Variants in CSMD1 observed in about 807,000 individuals in gnomAD.
CSMD1 encodes the protein CUB and sushi domain-containing protein 1.
Under a neutral mutation model 417.5 loss-of-function variants are expected in CSMD1, and 213 were observed. The ratio of observed to expected loss-of-function variants is 0.51; its 90% CI spans 0.46 to 0.57. The LOEUF (loss-of-function observed/expected upper bound fraction) is 0.57. Among genes scored for constraint, CSMD1 ranks in the 20% least tolerant of loss-of-function variants. The pLI, the probability that CSMD1 is intolerant of heterozygous loss-of-function variation, is 0.00. For missense variants in CSMD1, 6,923 were observed against 4,529.7 expected, an observed-to-expected ratio of 1.53 and a Z score of -15.17; for synonymous variants, 2,862 against 1,736.8, an observed-to-expected ratio of 1.65 and a Z score of -16.11.
chr8:4,675,891 C>A (rs1288674614), intron 1 of CSMD1, among the ~76,000 whole-genome samples: 1 of 152,100 alleles, frequency 6.6e-6, no homozygotes, highest in African/African-American at 2.4e-5. Flanking sequence ...AGTATCTAAA[C>A]TATCATACTA....
intron 5 of CSMD1, among the ~76,000 whole-genome samples, chr8:3,944,632 T>A (rs1019298813): frequency 1.3e-5 from 2 of 152,180 alleles, no homozygotes. Flanking sequence ...CAGAGACTTT[T>A]CCTTTATAAC....
chr8:4,814,466 C>T (rs982751136), intron 1 of CSMD1, among the ~76,000 whole-genome samples: 9 of 152,158 alleles, frequency 5.9e-5, no homozygotes, highest in African/African-American at 2.2e-4. Context: ...AAGGTGATCT[C>T]GAACTCCTAA....
intron 37 of CSMD1, among the ~76,000 whole-genome samples, chr8:3,162,754 C>G (rs569301003): frequency 1.3e-5 from 2 of 151,346 alleles, no homozygotes; most frequent in Non-Finnish European, 2.9e-5. Context: ...TACATTCAAT[C>G]TCTCTCTCTC....
intron 1 of CSMD1, among the ~76,000 whole-genome samples, chr8:4,856,663 C>A (rs1305710988): frequency 1.4e-5 from 2 of 148,124 alleles, no homozygotes; most frequent in Admixed American, 6.7e-5. Flanking sequence ...TCAAAAGAGA[C>A]AAAGAAGGCC....
At chr8:3,163,829 C>T (rs770466133) in intron 37 of CSMD1, among the ~76,000 whole-genome samples, 2 of 152,102 alleles carry the variant, frequency 1.3e-5, no homozygotes, top group Non-Finnish European at 2.9e-5. Context: ...TAACTCCAGT[C>T]CCCACCAGAC....
At chr8:3,570,621 C>A (rs1297486499) in intron 10 of CSMD1, among the ~76,000 whole-genome samples, 8 of 152,312 alleles carry the variant, frequency 5.3e-5, no homozygotes, top group Admixed American at 1.3e-4. Context: ...CTACTGAATA[C>A]AACCTGGAAG....
chr8:3,832,344 A>T (rs1294779586), intron 5 of CSMD1, among the ~76,000 whole-genome samples: 3 of 152,186 alleles, frequency 2.0e-5, no homozygotes, highest in Admixed American at 6.5e-5. Flanking sequence ...TATATACCGC[A>T]AATCTCCTGT....
chr8:4,833,960 A>G (rs188725983), intron 1 of CSMD1, among the ~76,000 whole-genome samples: 7 of 152,276 alleles, frequency 4.6e-5, no homozygotes, highest in Admixed American at 2.6e-4. Context: ...AGTCTTCACT[A>G]TCTTAGCACC....
chr8:3,258,932 G>A lies in CSMD1; in HGVS notation c.4153+25212C>T, dbSNP rs140428098. On this transcript the variant is annotated intron_variant, in intron 26 of 69. Transcript: ENST00000635120. ...CATAAAGGGGAACAATAGACACTGCGGTCTCCCGGATGGTGGAAAGTGAGA... is the reference window on the plus strand; with the variant it reads ...CATAAAGGGGAACAATAGACACTGCAGTCTCCCGGATGGTGGAAAGTGAGA... Among the ~76,000 whole-genome samples the A allele has an allele frequency of 7.6e-3, 1,151 of 152,244 alleles. 15 individuals are homozygous for A. The highest frequency in any genetic ancestry group is 0.026 in the African/African-American group (1,069 of 41,554).
chr8:2,951,933 T>A (rs1802665493), intron 65 of CSMD1, among the ~76,000 whole-genome samples: 1 of 152,244 alleles, frequency 6.6e-6, no homozygotes, highest in Non-Finnish European at 1.5e-5. Flanking sequence ...CTTTTATACA[T>A]GTCTTTTAAA....
chr8:4,358,449 G>A (rs532870919), intron 3 of CSMD1, among the ~76,000 whole-genome samples: 3 of 152,332 alleles, frequency 2.0e-5, no homozygotes, highest in African/African-American at 4.8e-5. Flanking sequence ...CACACAGTCG[G>A]CCTGGGGGGA....
chr8:4,167,454 A>T (rs983937338), intron 3 of CSMD1, among the ~76,000 whole-genome samples: 10 of 152,210 alleles, frequency 6.6e-5, no homozygotes, highest in African/African-American at 2.4e-4. Flanking sequence ...ACTGGAATAG[A>T]ATGACGGTGG....
intron 3 of CSMD1, among the ~76,000 whole-genome samples, chr8:4,076,832 A>T (rs569997339): frequency 3.3e-5 from 5 of 152,258 alleles, no homozygotes; most frequent in Admixed American, 2.6e-4. Context: ...CCTTTGCTTT[A>T]ACTGCTAACT....
intron 3 of CSMD1, among the ~76,000 whole-genome samples, chr8:4,228,288 C>A (rs1801486554): frequency 6.6e-6 from 1 of 152,170 alleles, no homozygotes; most frequent in Non-Finnish European, 1.5e-5. Context: ...TGCTGCTGGC[C>A]CTGGCAGTAA....
intron 5 of CSMD1, among the ~76,000 whole-genome samples, chr8:3,794,209 G>C (rs184960026): frequency 8.2e-4 from 125 of 152,240 alleles, no homozygotes; most frequent in Middle Eastern, 3.4e-3. Flanking sequence ...TAAGGGGAGG[G>C]GTTTCCTTCT....
intron 5 of CSMD1, among the ~76,000 whole-genome samples, chr8:3,984,464 A>G (rs1316788734): frequency 3.3e-5 from 5 of 152,000 alleles, no homozygotes; most frequent in Non-Finnish European, 7.4e-5. Flanking sequence ...ATATGTTTCT[A>G]TAAGGTAAAG....
At chr8:3,993,702 C>A (rs533695920) in intron 5 of CSMD1, among the ~76,000 whole-genome samples, 23 of 152,260 alleles carry the variant, frequency 1.5e-4, no homozygotes, top group African/African-American at 5.5e-4. Context: ...ACAGATGTTT[C>A]TTTTGAAGTC....
intron 1 of CSMD1, among the ~76,000 whole-genome samples, chr8:4,961,043 C>T (rs1485795954): frequency 6.6e-6 from 1 of 152,036 alleles, no homozygotes; most frequent in Admixed American, 6.6e-5. Flanking sequence ...CCTCTTCTCA[C>T]CCTACGAAAT....
intron 2 of CSMD1, 56 bp from the exon 3 acceptor site, chr8:4,420,121 A>G: frequency 1.5e-6 from 2 of 1,303,796 alleles, no homozygotes; most frequent in Non-Finnish European, 2.2e-6. Flanking sequence ...TGTCAAAAAA[A>G]GCTTATTTGA....
Sources: gnomAD v4.1 joint callset for allele counts (sites outside exome capture counted in the v4.1 genomes callset) on GRCh38, gnomAD v4.1.1 for gene constraint, MANE v1.5 for transcripts, NCBI Gene and HGNC (gene_info 2026-07-23, HGNC 2026-07-21) for gene names.